TAF3: variants seen among roughly 807,000 people sequenced by gnomAD.
TAF3 encodes transcription initiation factor TFIID subunit 3.
A neutral mutation model predicts 80.6 loss-of-function variants in TAF3; 7 were observed. The ratio of observed to expected loss-of-function variants is 0.09; its 90% confidence interval spans 0.05 to 0.16. The LOEUF (loss-of-function observed/expected upper bound fraction) is 0.16, where lower values mean the gene tolerates loss of function less well. Ranked by LOEUF, TAF3 falls within the 10% of genes least tolerant of loss-of-function variation. The probability of loss-of-function intolerance (pLI) is 1.00; values close to 1 mark genes in which losing one functional copy is unlikely to be tolerated. For synonymous variants in TAF3, 444 were observed against 446.1 expected (o/e 1.00, Z 0.06); for missense variants, 921 against 1,140.2 (o/e 0.81, Z 2.77).
intron 2 of TAF3, among the ~76,000 whole-genome samples, chr10:7,926,261 C>G (rs565220776): frequency 2.0e-5 from 3 of 152,126 alleles, no homozygotes; most frequent in South Asian, 2.1e-4. Context: ...TTTAATATAT[C>G]AAACTTTTTT....
chr10:8,006,179 T>TACACACACACACAC (rs59502450), intron 4 of TAF3, among the ~76,000 whole-genome samples: 4 of 134,614 alleles, frequency 3.0e-5, no homozygotes, highest in South Asian at 2.4e-4. Flanking sequence ...AAAAAAAAAA[T>TACACACACACACAC]ACACACACAC....
At chr10:7,977,454 C>A (rs1831684405) in intron 4 of TAF3, 131 bp downstream of exon 4, 2 of 738,342 alleles carry the variant, frequency 2.7e-6, no homozygotes, top group Admixed American at 3.1e-5. Flanking sequence ...ATTTTTAGAA[C>A]TCTTCGTTTT....
intron 2 of TAF3, among the ~76,000 whole-genome samples, chr10:7,834,819 T>G (rs1200073207): frequency 6.6e-6 from 1 of 152,090 alleles, no homozygotes; most frequent in Non-Finnish European, 1.5e-5. Flanking sequence ...TAAAAAAAAT[T>G]TTTTTTGCTC....
chr10:7,905,452 C>T (rs1348893080), intron 2 of TAF3, among the ~76,000 whole-genome samples: 2 of 152,158 alleles, frequency 1.3e-5, no homozygotes, highest in African/African-American at 4.8e-5. Context: ...TGCTATTCAA[C>T]TTCATTCACT....
In TAF3 at chr10:7,892,685, T is replaced by C. The variant is rs186230234; in HGVS notation, c.409+68125T>C. Reference sequence around the variant, plus strand: ...TGAAACACACTGTTTCTTAGAAAAATTCCAACAGTATTTTTGGTTGGTCAG... The same window carrying C: ...TGAAACACACTGTTTCTTAGAAAAACTCCAACAGTATTTTTGGTTGGTCAG... On this transcript the variant is annotated intron_variant, in intron 2 of 6. Transcript: ENST00000344293. 2.0e-5 allele frequency among the ~76,000 whole-genome samples: 3 copies of C among 152,282 alleles called. No homozygotes were observed. The East Asian group carries it at 5.8e-4, about 29-fold the overall frequency.
At chr10:7,965,773 G>T in intron 3 of TAF3, 31 bp downstream of exon 3, 2 of 1,497,884 alleles carry the variant, frequency 1.3e-6, no homozygotes, top group Non-Finnish European at 8.8e-7. Context: ...GGCCCTATCT[G>T]AACAGAGTCC....
intron 2 of TAF3, among the ~76,000 whole-genome samples, chr10:7,936,627 A>T (rs1175385350): frequency 6.6e-6 from 1 of 151,938 alleles, no homozygotes; most frequent in Admixed American, 6.6e-5. Flanking sequence ...CCCACTATCA[A>T]CATCCCCCAC....
At chr10:7,983,742 G>A (rs1177268483) in intron 4 of TAF3, among the ~76,000 whole-genome samples, 2 of 152,114 alleles carry the variant, frequency 1.3e-5, no homozygotes, top group African/African-American at 2.4e-5. Context: ...GGGAGGCTGA[G>A]GCAAGAGGAT....
chr10:7,916,647 A>G (rs1170364559), intron 2 of TAF3, among the ~76,000 whole-genome samples: 1 of 152,176 alleles, frequency 6.6e-6, no homozygotes, highest in African/African-American at 2.4e-5. Flanking sequence ...GTATATATAT[A>G]TATTTAATTT....
At chr10:7,856,034 G>A (rs1180452333) in intron 2 of TAF3, among the ~76,000 whole-genome samples, 1 of 152,134 alleles carries the variant, frequency 6.6e-6, no homozygotes, top group Admixed American at 6.5e-5. Context: ...CTATTTTAAA[G>A]GAGGAAATGG....
At chr10:8,004,199 C>T (rs4749478) in intron 4 of TAF3, among the ~76,000 whole-genome samples, 50,086 of 151,622 alleles carry the variant, frequency 0.33, 9,725 homozygotes, top group Admixed American at 0.47. Context: ...TACAGGTCTG[C>T]GCCATCACAC....
At chr10:7,872,614 C>T (rs1057103864) in intron 2 of TAF3, among the ~76,000 whole-genome samples, 6 of 152,184 alleles carry the variant, frequency 3.9e-5, no homozygotes, top group East Asian at 1.9e-4. Flanking sequence ...TAATATCTTG[C>T]TTTCAGGTGC....
At chr10:7,923,586 A>G (rs544143111) in intron 2 of TAF3, among the ~76,000 whole-genome samples, 1 of 144,938 alleles carries the variant, frequency 6.9e-6, no homozygotes, top group East Asian at 2.0e-4. Flanking sequence ...GTATAGCAAA[A>G]AAACAAAACA....
intron 2 of TAF3, among the ~76,000 whole-genome samples, chr10:7,849,127 T>G (rs915625461): frequency 6.6e-5 from 10 of 152,180 alleles, no homozygotes; most frequent in African/African-American, 2.4e-4. Context: ...TTCACACACA[T>G]TAACTCATTG....
chr10:7,916,507 T>C (rs1246427989), intron 2 of TAF3, among the ~76,000 whole-genome samples: 2 of 152,220 alleles, frequency 1.3e-5, no homozygotes, highest in Non-Finnish European at 2.9e-5. Flanking sequence ...GTCTCCCAAT[T>C]TTATTACACT....
At chr10:7,848,805 C>T (rs973633116) in intron 2 of TAF3, among the ~76,000 whole-genome samples, 2 of 152,006 alleles carry the variant, frequency 1.3e-5, no homozygotes, top group South Asian at 2.1e-4. Flanking sequence ...TGCCAATATG[C>T]CTTTATATAT....
chr10:7,916,489 A>G (rs1015328567), intron 2 of TAF3, among the ~76,000 whole-genome samples: 1 of 152,226 alleles, frequency 6.6e-6, no homozygotes, highest in Non-Finnish European at 1.5e-5. Flanking sequence ...CTGCTAATAT[A>G]CCTATATGTC....
chr10:7,837,464 G>A (rs1244296054), intron 2 of TAF3, among the ~76,000 whole-genome samples: 1 of 151,996 alleles, frequency 6.6e-6, no homozygotes, highest in Non-Finnish European at 1.5e-5. Flanking sequence ...CCAGCATGGC[G>A]AAACCTCGTC....
intron 2 of TAF3, among the ~76,000 whole-genome samples, chr10:7,866,244 GA>G (rs1837213816): frequency 6.6e-6 from 1 of 152,200 alleles, no homozygotes; most frequent in Admixed American, 6.5e-5. Context: ...AGGCACGGGG[GA>G]TGGAGCAGTC....
Sources: allele counts gnomAD v4.1 joint callset (sites outside exome capture counted in the v4.1 genomes callset), GRCh38; gene constraint gnomAD v4.1.1; transcripts MANE v1.5; gene names NCBI Gene and HGNC (gene_info 2026-07-23, HGNC 2026-07-21).